The following PTPRN2 variants were observed in gnomAD, a reference collection of about 807,000 sequenced individuals.
The protein encoded by PTPRN2 is protein tyrosine phosphatase receptor type N2.
In PTPRN2, 74 loss-of-function variants were observed where a neutral mutation model predicts 118.8. That is an observed-to-expected ratio of 0.62 (90% confidence interval 0.52 to 0.76). The LOEUF is 0.76. Among genes scored for constraint, PTPRN2 ranks in the 30% least tolerant of loss-of-function variants. The pLI, the probability that PTPRN2 is intolerant of heterozygous loss-of-function variation, is 0.00. For synonymous variants in PTPRN2, 641 were observed against 608.0 expected, an observed-to-expected ratio of 1.05 and a Z score of -0.80; for missense variants, 1,481 against 1,394.4, an observed-to-expected ratio of 1.06 and a Z score of -0.99.
At chr7:158,071,601 G>GTGGTGGAGATGCTCGTGGTGA in intron 11 of PTPRN2, among the ~76,000 whole-genome samples, 2 of 112,014 alleles carry the variant, frequency 1.8e-5, no homozygotes, top group Non-Finnish European at 1.9e-5. Context: ...GGTGCTCCTG[G>GTGGTGGAGATGCTCGTGGTGA]TGGAGGTGCT....
intron 11 of PTPRN2, among the ~76,000 whole-genome samples, chr7:158,068,614 C>T (rs1277047728): frequency 6.6e-6 from 1 of 152,244 alleles, no homozygotes; most frequent in Non-Finnish European, 1.5e-5. Flanking sequence ...CAAATCATCA[C>T]TGTGAACTAA....
chr7:158,232,761 A>G (rs1829248146), intron 3 of PTPRN2, among the ~76,000 whole-genome samples: 1 of 152,210 alleles, frequency 6.6e-6, no homozygotes, highest in Non-Finnish European at 1.5e-5. Context: ...CAGGGATACA[A>G]TGACGATTCA....
chr7:158,239,910 T>C (rs1436723482), intron 3 of PTPRN2, among the ~76,000 whole-genome samples: 1 of 152,094 alleles, frequency 6.6e-6, no homozygotes, highest in African/African-American at 2.4e-5. Flanking sequence ...GAAGGGAACG[T>C]AGATGACACG....
Position 157,630,621 on chromosome 7 carries a change from T to G in PTPRN2, c.2197-9112A>C, listed in dbSNP as rs528688222. On this transcript the variant is annotated intron_variant, in intron 14 of 22. Transcript: ENST00000389418. ...CAAGCAACTTGAGATGCAGGGCAGA[T>G]ATGCACACATTACCAAAAGGCACAG... Among the ~76,000 whole-genome samples, 4 of 152,312 alleles carry G rather than the reference T, an allele frequency of 2.6e-5. No individual in the cohort carries two copies. In the South Asian group the frequency reaches 8.3e-4, roughly 32 times the overall value.
chr7:157,997,312 C>A (rs544842186), intron 11 of PTPRN2, among the ~76,000 whole-genome samples: 71 of 152,410 alleles, frequency 4.7e-4, no homozygotes, highest in Admixed American at 1.8e-3. Flanking sequence ...CATTCAGCTC[C>A]AAGGATGGGG....
intron 2 of PTPRN2, among the ~76,000 whole-genome samples, chr7:158,361,899 C>T (rs923064662): frequency 6.6e-6 from 1 of 152,200 alleles, no homozygotes; most frequent in Non-Finnish European, 1.5e-5. Flanking sequence ...TCCCTCATCC[C>T]CCTCTTCCCA....
At chr7:158,264,497 G>C (rs1318429170) in intron 3 of PTPRN2, among the ~76,000 whole-genome samples, 1 of 152,112 alleles carries the variant, frequency 6.6e-6, no homozygotes, top group Non-Finnish European at 1.5e-5. Context: ...CTGTCCATAC[G>C]ACAGATCGCC....
chr7:158,347,429 TCTCTA>T, intron 2 of PTPRN2, among the ~76,000 whole-genome samples: 1 of 152,346 alleles, frequency 6.6e-6, no homozygotes, highest in Middle Eastern at 3.4e-3. Flanking sequence ...ATTTCCTGGC[TCTCTA>T]TTCTGTTCCA....
intron 2 of PTPRN2, among the ~76,000 whole-genome samples, chr7:158,341,730 C>T (rs1427273341): frequency 1.4e-4 from 20 of 140,138 alleles, no homozygotes; most frequent in South Asian, 2.2e-4. Flanking sequence ...AGCTGACGCC[C>T]GCAGACGTCA....
At chr7:158,211,211 T>C (rs1381842387) in intron 3 of PTPRN2, among the ~76,000 whole-genome samples, 2 of 152,104 alleles carry the variant, frequency 1.3e-5, no homozygotes, top group African/African-American at 2.4e-5. Context: ...CCTCAAACTA[T>C]GAAACGACTA....
rs1290404908 is a variant in PTPRN2, at chr7:158,413,878, G to T, written c.163+75857C>A. On this transcript the variant is annotated intron_variant, in intron 2 of 22. Coordinates refer to ENST00000389418, the MANE Select transcript of PTPRN2 (RefSeq NM_002847.5). Reference sequence around the variant, plus strand: ...GCAAGGGCCAGGTGTGATGGCTCACGCCTGTAATCCCAGCACTTTGGGAGG... The same window carrying T: ...GCAAGGGCCAGGTGTGATGGCTCACTCCTGTAATCCCAGCACTTTGGGAGG... Among the ~76,000 whole-genome samples, 6 of 152,214 alleles carry T rather than the reference G, an allele frequency of 3.9e-5. No homozygotes were observed. In the East Asian group the frequency reaches 1.2e-3, roughly 29 times the overall value.
chr7:158,131,328 C>CA (rs1461872359), intron 9 of PTPRN2, among the ~76,000 whole-genome samples: 3 of 79,958 alleles, frequency 3.8e-5, no homozygotes, highest in African/African-American at 2.3e-4. Flanking sequence ...CACATACACA[C>CA]TCATACACAT....
intron 14 of PTPRN2, among the ~76,000 whole-genome samples, chr7:157,621,959 C>T (rs1290578033): frequency 1.3e-5 from 2 of 151,940 alleles, no homozygotes; most frequent in African/African-American, 2.4e-5. Context: ...GTGCAAAATG[C>T]GGGACAGCTT....
rs759959267 is a variant in PTPRN2 at position 157,578,043 on chromosome 7, G to C, written c.2594C>G (p.Ser865Cys). ...QCYHYWPDEG[S>C]NLYHIYEVNL... ...TACCTCATAGATGTGGTAGAGATTG[G>C]AGCCTTCATCCGGCCAGTAGTGGTA... Residue 865 changes from serine to cysteine, a missense_variant, in exon 18 of 23, where the codon TCC becomes TGC. Ser to Cys is a moderately radical substitution (Grantham distance 112). Around this residue, in one of 3 missense-constraint regions of PTPRN2, gnomAD observed 362 missense variants for 384.1 expected, o/e 0.94. Coordinates refer to ENST00000389418, the MANE Select transcript of PTPRN2 (RefSeq NM_002847.5). The C allele has an allele frequency of 6.2e-7, 1 of 1,612,802 alleles. No homozygotes were observed. Among genetic ancestry groups the C allele is most frequent in the Non-Finnish European group, 8.5e-7 (1 of 1,179,110 alleles).
intron 11 of PTPRN2, among the ~76,000 whole-genome samples, chr7:158,010,083 T>C (rs1438226277): frequency 6.6e-6 from 1 of 152,214 alleles, no homozygotes; most frequent in African/African-American, 2.4e-5. Context: ...ATCTTGTCCC[T>C]GTCCTTGTGG....
chr7:158,520,317 T>C (rs1171177770), intron 1 of PTPRN2, among the ~76,000 whole-genome samples: 2 of 152,216 alleles, frequency 1.3e-5, no homozygotes, highest in Non-Finnish European at 2.9e-5. Flanking sequence ...AAAATTCCAC[T>C]ATTGTGAAAT....
At chr7:158,008,070 G>A (rs1483987890) in intron 11 of PTPRN2, among the ~76,000 whole-genome samples, 1 of 140,462 alleles carries the variant, frequency 7.1e-6, no homozygotes, top group Non-Finnish European at 1.6e-5. Context: ...GTGTGTGGGT[G>A]TGCTGTGTGT....
chr7:158,024,219 G>A (rs919759656), intron 11 of PTPRN2, among the ~76,000 whole-genome samples: 3 of 152,148 alleles, frequency 2.0e-5, no homozygotes, highest in African/African-American at 7.2e-5. Context: ...GTGAGGTTCC[G>A]AGTCCTCACT....
intron 2 of PTPRN2, among the ~76,000 whole-genome samples, chr7:158,329,069 G>T (rs974406565): frequency 6.6e-6 from 1 of 152,222 alleles, no homozygotes; most frequent in Non-Finnish European, 1.5e-5. Flanking sequence ...AGGGATCCCA[G>T]TGAGGCCTGG....
Sources: gnomAD v4.1 joint callset for allele counts (sites outside exome capture counted in the v4.1 genomes callset) on GRCh38, gnomAD v4.1.1 for gene constraint, gnomAD v4.1.1 regional missense constraint, MANE v1.5 for transcripts, NCBI Gene and HGNC (gene_info 2026-07-23, HGNC 2026-07-21) for gene names.